Variants in RGS9 observed in about 807,000 individuals in gnomAD.
The protein encoded by RGS9 is regulator of G-protein signalling 9.
RGS9 carries 78 observed loss-of-function variants against 102.0 expected under a neutral mutation model. The ratio of observed to expected loss-of-function variants is 0.76; its 90% CI spans 0.64 to 0.92. The LOEUF is 0.92. Ranked by LOEUF, RGS9 falls within the 40% of genes least tolerant of loss-of-function variation. The pLI, the probability that RGS9 is intolerant of heterozygous loss-of-function variation, is 0.00. For synonymous variants in RGS9, 353 were observed against 318.6 expected, an observed-to-expected ratio of 1.11 and a Z score of -1.15; for missense variants, 833 against 866.1, an observed-to-expected ratio of 0.96 and a Z score of 0.48.
At chr17:65,169,441 C>G (rs531374805) in intron 8 of RGS9, among the ~76,000 whole-genome samples, 1 of 152,080 alleles carries the variant, frequency 6.6e-6, no homozygotes, top group Admixed American at 6.6e-5. Flanking sequence ...TGGTTGGTAG[C>G]GAAGAAACTC....
chr17:65,176,721 A>G (rs1389783828), intron 8 of RGS9, among the ~76,000 whole-genome samples: 2 of 143,542 alleles, frequency 1.4e-5, no homozygotes, highest in Admixed American at 6.8e-5. Flanking sequence ...CCATCCATCC[A>G]TCCATCCATC....
chr17:65,217,405 C>A (rs1295543091), intron 17 of RGS9, among the ~76,000 whole-genome samples: 2 of 152,224 alleles, frequency 1.3e-5, no homozygotes, highest in Non-Finnish European at 2.9e-5. Flanking sequence ...CATAGCCCAT[C>A]CTGCCGTGCC....
intron 9 of RGS9, among the ~76,000 whole-genome samples, chr17:65,183,914 A>G (rs1440886477): frequency 6.6e-6 from 1 of 152,206 alleles, no homozygotes; most frequent in Non-Finnish European, 1.5e-5. Flanking sequence ...TGTAAACAAC[A>G]AGTCTAGATG....
At position 65,189,333 on chromosome 17, in the gene RGS9, T is replaced by TTA; in HGVS notation, c.684+18_684+19insTA. On this transcript the variant is annotated intron_variant, in intron 10 of 18. Coordinates refer to ENST00000262406, the MANE Select transcript of RGS9 (RefSeq NM_003835.4). The stretch of plus-strand genomic sequence containing the variant: ...AAAAAGAGGTAATTAGTCTTACACT[T>TTA]CCAGTGAAGAATGGTTTTAAATCTT... 6.3e-7 allele frequency: 1 copy of TTA among 1,591,312 alleles called. No individual in the cohort carries two copies. Among genetic ancestry groups the TTA allele is most frequent in the South Asian group, 1.1e-5 (1 of 90,598 alleles).
chr17:65,200,190 G>C (rs1180805562), intron 13 of RGS9, among the ~76,000 whole-genome samples: 1 of 151,890 alleles, frequency 6.6e-6, no homozygotes, highest in African/African-American at 2.4e-5. Context: ...CGCCACCACG[G>C]CCGGCTAATT....
Position 65,193,651 on chromosome 17 carries a change from C to A in RGS9, c.855C>A (p.Ala285=), listed in dbSNP as rs759657588. Residue 285 remains alanine (A), a synonymous_variant, in exon 12 of 19, where the codon GCC becomes GCA. Coordinates refer to ENST00000262406, the MANE Select transcript of RGS9 (RefSeq NM_003835.4). ...ACACCCAGTTCTGGGACTTAAATGCCAAATTGTATGTATTTTATATATTGG... is the reference window on the plus strand; with the variant it reads ...ACACCCAGTTCTGGGACTTAAATGCAAAATTGTATGTATTTTATATATTGG... ...TDDTQFWDLN[A]KLVEIPTKMR... is the part of the protein sequence containing the mutation. The A allele has an allele frequency of 6.3e-7, 1 of 1,598,390 alleles. No homozygotes were observed. The highest frequency in any genetic ancestry group is 8.6e-7 in the Non-Finnish European group (1 of 1,165,678).
Position 65,168,199 on chromosome 17 carries a change from G to C in RGS9, c.501-1G>C, listed in dbSNP as rs777205905. 1 of 1,607,798 alleles carries C rather than the reference G, an allele frequency of 6.2e-7. No homozygotes were observed. The highest frequency in any genetic ancestry group is 1.1e-5 in the South Asian group (1 of 89,402). ...CTTACACGTGGCTTTTGGCTTTCCA[G>C]GGCTGGAAAGGAGAGGAACAAAGCA... On this transcript the variant is annotated splice_acceptor_variant, in intron 7 of 18. Transcript: ENST00000262406. LOFTEE classifies it high-confidence loss of function.
intron 1 of RGS9, among the ~76,000 whole-genome samples, chr17:65,152,059 T>C (rs990245401): frequency 1.3e-5 from 2 of 152,206 alleles, no homozygotes; most frequent in African/African-American, 2.4e-5. Flanking sequence ...AGACCACACA[T>C]GCTCTTGAGA....
chr17:65,147,069 C>T (rs1910393710), intron 1 of RGS9, among the ~76,000 whole-genome samples: 3 of 152,286 alleles, frequency 2.0e-5, no homozygotes, highest in Admixed American at 2.0e-4. Flanking sequence ...ACCCTCCTGG[C>T]GTTGTCCCTT....
intron 1 of RGS9, among the ~76,000 whole-genome samples, chr17:65,153,048 C>A (rs897353541): frequency 1.3e-5 from 2 of 152,224 alleles, no homozygotes; most frequent in African/African-American, 4.8e-5. Flanking sequence ...CCAGCTGCAA[C>A]TCCTGCTGTT....
chr17:65,215,489 G>GTTCTTTCTTTCTTTCTTTCTTTCT (rs1453846214), intron 17 of RGS9, among the ~76,000 whole-genome samples: 22 of 116,184 alleles, frequency 1.9e-4, no homozygotes, highest in Non-Finnish European at 2.5e-4. Flanking sequence ...TCTTTCTTTC[G>GTTCTTTCTTTCTTTCTTTCTTTCT]TTCTTTCGTT....
At chr17:65,169,449 C>T (rs1459766386) in intron 8 of RGS9, among the ~76,000 whole-genome samples, 1 of 152,198 alleles carries the variant, frequency 6.6e-6, no homozygotes, top group East Asian at 1.9e-4. Flanking sequence ...AGCGAAGAAA[C>T]TCTTTGTATG....
intron 12 of RGS9, 122 bp downstream of exon 12, chr17:65,193,778 A>G: frequency 1.4e-6 from 1 of 691,210 alleles, no homozygotes; most frequent in South Asian, 1.6e-5. Context: ...ATAGAGCTAC[A>G]ATCAATTTTA....
At chr17:65,219,936 T>C (rs1913646158) in intron 17 of RGS9, among the ~76,000 whole-genome samples, 1 of 151,830 alleles carries the variant, frequency 6.6e-6, no homozygotes, top group Non-Finnish European at 1.5e-5. Context: ...ATTATTATTA[T>C]CATCACCGCC....
At chr17:65,184,221 A>T (rs368836631) in intron 9 of RGS9, among the ~76,000 whole-genome samples, 1 of 152,244 alleles carries the variant, frequency 6.6e-6, no homozygotes, top group Non-Finnish European at 1.5e-5. Context: ...TCGTTTTAAC[A>T]TAATGTTTCT....
chr17:65,192,296 G>A (rs2144069277), intron 11 of RGS9, among the ~76,000 whole-genome samples: 1 of 152,262 alleles, frequency 6.6e-6, no homozygotes, highest in East Asian at 1.9e-4. Flanking sequence ...GGGGGAAGGG[G>A]AGATAGGGAA....
At chr17:65,206,968 T>A (rs1031404732) in intron 15 of RGS9, among the ~76,000 whole-genome samples, 2 of 152,196 alleles carry the variant, frequency 1.3e-5, no homozygotes, top group Non-Finnish European at 2.9e-5. Flanking sequence ...AATAAATTTT[T>A]AAAATACCTC....
chr17:65,177,957 AG>A (rs1911711627), intron 9 of RGS9, among the ~76,000 whole-genome samples, 154 bp downstream of exon 9: 1 of 152,192 alleles, frequency 6.6e-6, no homozygotes, highest in South Asian at 2.1e-4. Flanking sequence ...ACTCAGGGTT[AG>A]GGGAGAAGTG....
At chr17:65,196,018 T>C (rs1912570936) in intron 12 of RGS9, among the ~76,000 whole-genome samples, 1 of 152,258 alleles carries the variant, frequency 6.6e-6, no homozygotes, top group Admixed American at 6.5e-5. Context: ...CTGATGCATG[T>C]GGAAGTTTGC....
Sources: allele counts gnomAD v4.1 joint callset (sites outside exome capture counted in the v4.1 genomes callset), GRCh38; gene constraint gnomAD v4.1.1; transcripts MANE v1.5; gene names NCBI Gene and HGNC (gene_info 2026-07-23, HGNC 2026-07-21).